The following TASP1 variants were observed in gnomAD, a reference collection of about 807,000 sequenced individuals.
TASP1 encodes the protein taspase 1, also known as threonine aspartase 1.
Under a neutral mutation model 56.6 loss-of-function variants are expected in TASP1, and 16 were observed. The ratio of observed to expected loss-of-function variants is 0.28; its 90% CI spans 0.19 to 0.43. TASP1 has a LOEUF of 0.43. TASP1 is among the 20% of genes least tolerant of loss of function. The probability of loss-of-function intolerance (pLI) is 1.00; values close to 1 mark genes in which losing one functional copy is unlikely to be tolerated. For synonymous variants in TASP1, 179 were observed against 184.2 expected (o/e 0.97, Z 0.23); for missense variants, 393 against 511.6 (o/e 0.77, Z 2.24).
chr20:13,544,551 A>G (rs145487726), intron 8 of TASP1, among the ~76,000 whole-genome samples: 1 of 152,320 alleles, frequency 6.6e-6, no homozygotes, highest in East Asian at 1.9e-4. Flanking sequence ...ACAACATGCT[A>G]CTAACATACC....
At chr20:13,225,409 C>G in the TASP1 span, among the ~76,000 whole-genome samples, 1 of 152,160 alleles carries the variant, frequency 6.6e-6, no homozygotes, top group Non-Finnish European at 1.5e-5. Flanking sequence ...GACAGTCTTA[C>G]TGTGTTAACT....
At chr20:13,276,442 C>T in the TASP1 span, among the ~76,000 whole-genome samples, 1 of 152,200 alleles carries the variant, frequency 6.6e-6, no homozygotes, top group Admixed American at 6.5e-5. Flanking sequence ...AACTTTTCCT[C>T]GTTTCCTAAG....
chr20:13,121,674 A>T, the TASP1 span, among the ~76,000 whole-genome samples: 1 of 152,266 alleles, frequency 6.6e-6, no homozygotes, highest in Admixed American at 6.5e-5. Flanking sequence ...CAATGGGGGA[A>T]CGAGAGGGGG....
At chr20:13,190,235 C>A in the TASP1 span, among the ~76,000 whole-genome samples, 1 of 152,078 alleles carries the variant, frequency 6.6e-6, no homozygotes, top group African/African-American at 2.4e-5. Flanking sequence ...AAATCAGCAT[C>A]ACACAATATA....
chr20:13,352,068 C>A, the TASP1 span, among the ~76,000 whole-genome samples: 9 of 152,156 alleles, frequency 5.9e-5, no homozygotes, highest in African/African-American at 1.7e-4. Flanking sequence ...TGTTCCAGAG[C>A]TTATCCAACT....
At chr20:13,530,972 ATAT>A (rs1330772852) in intron 9 of TASP1, among the ~76,000 whole-genome samples, 2 of 152,278 alleles carry the variant, frequency 1.3e-5, no homozygotes, top group East Asian at 3.9e-4. Context: ...CATATAAATG[ATAT>A]TATTATTAGT....
At chr20:13,553,512 T>G (rs993117475) in intron 8 of TASP1, among the ~76,000 whole-genome samples, 4 of 152,158 alleles carry the variant, frequency 2.6e-5, no homozygotes, top group African/African-American at 9.7e-5. Context: ...AGCTAAATAG[T>G]CATCTTTTTC....
the TASP1 span, among the ~76,000 whole-genome samples, chr20:13,243,598 T>G: frequency 2.6e-5 from 4 of 152,246 alleles, no homozygotes; most frequent in South Asian, 4.1e-4. Context: ...AAAACGACCA[T>G]CTGAATGCCA....
the TASP1 span, among the ~76,000 whole-genome samples, chr20:13,194,544 TGTGTGTG>T: frequency 0.031 from 18 of 572 alleles, no homozygotes; most frequent in Non-Finnish European, 0.02. Context: ...CACCAAGAAA[TGTGTGTG>T]TGTGTGTGTG....
At chr20:13,260,922 G>A in the TASP1 span, among the ~76,000 whole-genome samples, 1 of 152,188 alleles carries the variant, frequency 6.6e-6, no homozygotes, top group African/African-American at 2.4e-5. Flanking sequence ...GTCTCCATCT[G>A]AGTGACTGGC....
chr20:13,572,043 C>A (rs1052079981), intron 6 of TASP1, among the ~76,000 whole-genome samples: 2 of 152,204 alleles, frequency 1.3e-5, no homozygotes, highest in Non-Finnish European at 2.9e-5. Flanking sequence ...TATCCTGCTC[C>A]TTTTACCTTC....
chr20:13,403,105 G>A (rs553153131), intron 13 of TASP1, among the ~76,000 whole-genome samples: 64 of 152,264 alleles, frequency 4.2e-4, no homozygotes, highest in African/African-American at 1.4e-3. Flanking sequence ...TTGAATTGCA[G>A]GGTTCAGGGA....
intron 11 of TASP1, among the ~76,000 whole-genome samples, chr20:13,465,178 CAAAAAAAAAAAA>C (rs771255579): frequency 5.2e-5 from 3 of 57,256 alleles, no homozygotes; most frequent in Admixed American, 4.5e-4. Flanking sequence ...TTCTCTCTCC[CAAAAAAAAAAAA>C]AAAAAAAAAG....
intron 7 of TASP1, among the ~76,000 whole-genome samples, chr20:13,564,713 G>A (rs1382934344): frequency 6.6e-6 from 1 of 151,868 alleles, no homozygotes; most frequent in Non-Finnish European, 1.5e-5. Flanking sequence ...AATCAAAACA[G>A]TATGGAGGCT....
intron 10 of TASP1, among the ~76,000 whole-genome samples, chr20:13,517,491 CT>C (rs1194911825): frequency 6.6e-6 from 1 of 152,066 alleles, no homozygotes; most frequent in Non-Finnish European, 1.5e-5. Flanking sequence ...AGTATTTCCG[CT>C]TTTGTTTAAT....
At chr20:13,319,751 C>G in the TASP1 span, among the ~76,000 whole-genome samples, 1 of 152,354 alleles carries the variant, frequency 6.6e-6, no homozygotes, top group East Asian at 1.9e-4. Flanking sequence ...TGCACACACA[C>G]ACTCTAGAGG....
At chr20:13,455,917 A>C (rs2043816443) in intron 11 of TASP1, among the ~76,000 whole-genome samples, 1 of 152,158 alleles carries the variant, frequency 6.6e-6, no homozygotes, top group Non-Finnish European at 1.5e-5. Context: ...CTGACTAAAA[A>C]ATTTAAGTTG....
the TASP1 span, among the ~76,000 whole-genome samples, chr20:13,319,445 G>T: frequency 0.019 from 2,827 of 152,246 alleles, 94 homozygotes; most frequent in African/African-American, 0.058. Flanking sequence ...AGAGGTCAAG[G>T]GTTGAGGAAT....
the TASP1 span, among the ~76,000 whole-genome samples, chr20:13,196,497 G>A: frequency 6.6e-6 from 1 of 152,128 alleles, no homozygotes; most frequent in African/African-American, 2.4e-5. Context: ...CTCATTATTT[G>A]GGTAGTAGAA....
Sources: allele counts gnomAD v4.1 joint callset (sites outside exome capture counted in the v4.1 genomes callset), GRCh38; gene constraint gnomAD v4.1.1; transcripts MANE v1.5; gene names NCBI Gene and HGNC (gene_info 2026-07-23, HGNC 2026-07-21).